Variants in SLC25A22 observed in about 807,000 individuals in gnomAD.
The protein encoded by SLC25A22 is mitochondrial glutamate carrier 1.
A neutral mutation model predicts 33.7 loss-of-function variants in SLC25A22; 23 were observed. That is an observed-to-expected ratio of 0.68 (90% confidence interval 0.49 to 0.97). The LOEUF (loss-of-function observed/expected upper bound fraction) is 0.97. Among genes scored for constraint, SLC25A22 ranks in the 50% least tolerant of loss-of-function variants. The pLI, the probability that SLC25A22 is intolerant of heterozygous loss-of-function variation, is 0.00. For synonymous variants in SLC25A22, 245 were observed against 203.8 expected (o/e 1.20, Z -1.72); for missense variants, 390 against 451.1 (o/e 0.86, Z 1.23).
At chr11:795,972 G>C (rs1466786604) in intron 1 of SLC25A22, 2 of 152,330 alleles carry the variant, frequency 1.3e-5, no homozygotes, top group African/African-American at 4.8e-5. Context: ...TAGGGTCATG[G>C]CCATAAAATC....
chr11:797,256 C>T (rs140428759), intron 1 of SLC25A22, among the ~76,000 whole-genome samples: 108 of 152,320 alleles, frequency 7.1e-4, no homozygotes, highest in African/African-American at 1.4e-3. Flanking sequence ...AGAGGAGCTT[C>T]TGGGTGGAGA....
In SLC25A22 at chr11:792,362, G is replaced by C. The variant is rs760124280; in HGVS notation, c.684C>G (p.Ser228=). The C allele has an allele frequency of 2.0e-5, 33 of 1,613,282 alleles. 1 individual carries two copies. In the South Asian group the frequency reaches 2.4e-4, roughly 12 times the overall value. ...ASEEKSPFYV[S]FLAGCVAGSA... is the part of the protein sequence containing the mutation. ...TCCCAGCCACACAGCCGGCCAGGAA[G>C]GACACGTAGAAAGGCGACTTCTCCT... Residue 228 remains serine (S), a synonymous_variant, in exon 8 of 10, where the codon TCC becomes TCG. Transcript: ENST00000628067.
rs971405257 is a variant in SLC25A22, at chr11:795,178, A to G, written c.-163-9T>C. 5 of 803,170 alleles carry G rather than the reference A, an allele frequency of 6.2e-6. No homozygotes were observed. Among genetic ancestry groups the G allele is most frequent in the Non-Finnish European group, 1.0e-5 (5 of 481,844 alleles). The allele number at this position is 803,170 out of a possible 1,614,324, so 49.8% of individuals were successfully genotyped here. ...CAACCGCCACTTCTGTCCTAGAAGGATGAGGGAATGGGAATGAGTGAGGGT... is the reference window on the plus strand; with the variant it reads ...CAACCGCCACTTCTGTCCTAGAAGGGTGAGGGAATGGGAATGAGTGAGGGT... On this transcript the variant is annotated splice_polypyrimidine_tract_variant and intron_variant, in intron 1 of 9. Transcript: ENST00000628067.
At chr11:793,192 T>C (rs1400475054) in intron 5 of SLC25A22, among the ~76,000 whole-genome samples, 1 of 152,018 alleles carries the variant, frequency 6.6e-6, no homozygotes, top group Non-Finnish European at 1.5e-5. Context: ...GGCAGGGGCC[T>C]GGGGAGGGCA....
rs766788288 is a variant in SLC25A22 at position 791,940 on chromosome 11, C to T, written c.947G>A (p.Gly316Glu). The T allele has an allele frequency of 6.2e-7, 1 of 1,602,830 alleles. No homozygotes were observed. The highest frequency in any genetic ancestry group is 1.7e-5 in the Admixed American group (1 of 59,886). The change falls in exon 10 of 10, where the codon GGG becomes GAG. Residue 316 changes from glycine to glutamate, a missense_variant. Coordinates refer to ENST00000628067, the MANE Select transcript of SLC25A22 (RefSeq NM_001191061.2). Reference sequence around the variant, plus strand: ...TCAGGCCTGGGGGTCCTGCAGCAGCCCCAGCAGGGACTCCGCGATGCCCAG... The same window carrying T: ...TCAGGCCTGGGGGTCCTGCAGCAGCTCCAGCAGGGACTCCGCGATGCCCAG... ...YFLGIAESLL[G>E]LLQDPQA
chr11:792,741 G>A lies in SLC25A22; in HGVS notation c.413-14C>T. On this transcript the variant is annotated splice_polypyrimidine_tract_variant and intron_variant, in intron 6 of 9. Coordinates refer to ENST00000628067, the MANE Select transcript of SLC25A22 (RefSeq NM_001191061.2). ...TCCTCTGGGCGGCTGGGGACAAAGA[G>A]GCTGCTGTCTCCTCTTCTGTGCGAA... The A allele has an allele frequency of 6.5e-7, 1 of 1,545,100 alleles. No homozygotes were observed. Among genetic ancestry groups the A allele is most frequent in the East Asian group, 2.4e-5 (1 of 41,378 alleles).
chr11:791,768 T>C lies in SLC25A22; in HGVS notation c.*147A>G. The C allele has an allele frequency of 9.0e-7, 1 of 1,114,650 alleles. No individual in the cohort carries two copies. The highest frequency in any genetic ancestry group is 2.6e-5 in the East Asian group (1 of 38,530). The allele number at this position is 1,114,650 out of a possible 1,614,324, so 69.0% of individuals were successfully genotyped here. A position where few individuals can be genotyped will look rare whatever the true frequency, so the allele number is the denominator to read the frequency against. On this transcript the variant is annotated 3_prime_UTR_variant, in exon 10 of 10. Coordinates refer to ENST00000628067, the MANE Select transcript of SLC25A22 (RefSeq NM_001191061.2). ...CCGGGGGGCTTGCGTGTGCACCACC[T>C]ATGTGGACCCTGCACCCTGCCCCCT...
intron 3 of SLC25A22, 74 bp downstream of exon 3, chr11:794,702 C>T: frequency 1.9e-6 from 3 of 1,552,786 alleles, no homozygotes; most frequent in Non-Finnish European, 2.6e-6. Context: ...GGGTGGGGGG[C>T]ACAGGAGCAG....
chr11:797,743 A>G (rs1864913193), intron 1 of SLC25A22: 2 of 398,516 alleles, frequency 5.0e-6, no homozygotes, highest in Non-Finnish European at 8.8e-6. Flanking sequence ...GGGGACTCCA[A>G]CTGCGCGATG....
intron 1 of SLC25A22, chr11:797,816 C>T: frequency 2.5e-6 from 1 of 398,694 alleles, no homozygotes; most frequent in Non-Finnish European, 4.4e-6. Context: ...GAGGCCGGCT[C>T]AGGCCCCTGC....
Position 792,084 on chromosome 11 carries a change from G to T in SLC25A22, c.819-16C>A. ...CAGGATCTTCCTGTGGAGGAAGGAC[G>T]AAAGGGTCAGCCCGGTACGCAGGCC... On this transcript the variant is annotated splice_polypyrimidine_tract_variant and intron_variant, in intron 9 of 9. Coordinates refer to ENST00000628067, the MANE Select transcript of SLC25A22 (RefSeq NM_001191061.2). 1 of 1,598,924 alleles carries T rather than the reference G, an allele frequency of 6.3e-7. No homozygotes were observed. Among genetic ancestry groups the T allele is most frequent in the Non-Finnish European group, 8.5e-7 (1 of 1,173,112 alleles).
rs1212881036 is a variant in SLC25A22, at chr11:791,707, A to G, written c.*208T>C. ...GTAAAGATTTCTGCATTTTCTACAT[A>G]AATGAGACATTGATCCCAACGGTGC... On this transcript the variant is annotated 3_prime_UTR_variant, in exon 10 of 10. Coordinates refer to ENST00000628067, the MANE Select transcript of SLC25A22 (RefSeq NM_001191061.2). 1.9e-5 allele frequency: 12 copies of G among 641,728 alleles called. No homozygotes were observed. Among genetic ancestry groups the G allele is most frequent in the Non-Finnish European group, 3.2e-5 (12 of 376,246 alleles). 39.8% of individuals were successfully genotyped at this position (641,728 alleles called of 1,614,324 possible). A position where few individuals can be genotyped will look rare whatever the true frequency, so the allele number is the denominator to read the frequency against.
Position 792,057 on chromosome 11 carries a change from C to T in SLC25A22, c.830G>A (p.Arg277Gln), listed in dbSNP as rs777614945. 29 of 1,598,518 alleles carry T rather than the reference C, an allele frequency of 1.8e-5. No homozygotes were observed. The African/African-American group carries it at 3.1e-4, about 17-fold the overall frequency. ...CAGGAAGGCCGAGGGGCCCTCGTGC[C>T]GCAGGATCTTCCTGTGGAGGAAGGA... is the stretch of plus-strand genomic sequence containing the variant. ...GILDCARKIL[R>Q]HEGPSAFLKG... Residue 277 changes from arginine (R) to glutamine (Q), a missense_variant, in exon 10 of 10, where the codon CGG becomes CAG. Transcript: ENST00000628067.
chr11:794,637 C>A (rs1324296152), intron 3 of SLC25A22, 124 bp from the exon 4 acceptor site: 4 of 1,522,848 alleles, frequency 2.6e-6, no homozygotes, highest in Non-Finnish European at 2.7e-6. Flanking sequence ...CCAGTCCTGA[C>A]CCACGTGGGA....
intron 6 of SLC25A22, 69 bp from the exon 7 acceptor site, chr11:792,796 T>C: frequency 1.3e-6 from 2 of 1,550,594 alleles, no homozygotes; most frequent in Non-Finnish European, 1.7e-6. Context: ...TGGCCCTCCC[T>C]GCGTCCCCAC....
chr11:798,230 G>T lies in SLC25A22; in HGVS notation c.-177C>A. On this transcript the variant is annotated 5_prime_UTR_variant, in exon 1 of 10. Coordinates refer to ENST00000628067, the MANE Select transcript of SLC25A22 (RefSeq NM_001191061.2). Reference sequence around the variant, plus strand: ...GCAGACACTCACCACGCTCGCCGCCGCCGCCGCGCTCGCCTGCCCGCCCCG... The same window carrying T: ...GCAGACACTCACCACGCTCGCCGCCTCCGCCGCGCTCGCCTGCCCGCCCCG... 2.5e-6 allele frequency: 1 copy of T among 394,768 alleles called. No homozygotes were observed. The highest frequency in any genetic ancestry group is 4.5e-6 in the Non-Finnish European group (1 of 223,792). 24.5% of individuals were successfully genotyped at this position (394,768 alleles called of 1,614,324 possible). A position where few individuals can be genotyped will look rare whatever the true frequency, so the allele number is the denominator to read the frequency against.
intron 5 of SLC25A22, 62 bp from the exon 6 acceptor site, chr11:793,050 C>A: frequency 6.6e-7 from 1 of 1,516,426 alleles, no homozygotes; most frequent in South Asian, 1.1e-5. Context: ...ACCCTCGGGG[C>A]TGCCCACCAT....
At chr11:797,124 G>A (rs1864863311) in intron 1 of SLC25A22, among the ~76,000 whole-genome samples, 1 of 152,212 alleles carries the variant, frequency 6.6e-6, no homozygotes, top group Non-Finnish European at 1.5e-5. Context: ...CATGATAGGG[G>A]CAATCCTGGA....
At chr11:794,360 G>T in intron 4 of SLC25A22, 98 bp downstream of exon 4, 1 of 1,399,192 alleles carries the variant, frequency 7.1e-7, no homozygotes, top group South Asian at 1.2e-5. Flanking sequence ...CCAGGCCCAG[G>T]CTGGCCGCCC....
Sources: allele counts gnomAD v4.1 joint callset (sites outside exome capture counted in the v4.1 genomes callset), GRCh38; gene constraint gnomAD v4.1.1; transcripts MANE v1.5; gene names NCBI Gene and HGNC (gene_info 2026-07-23, HGNC 2026-07-21).